The following SYNE1 variants were observed in gnomAD, a reference collection of about 807,000 sequenced individuals.
SYNE1 encodes the protein nesprin-1.
Under a neutral mutation model 1,111.0 loss-of-function variants are expected in SYNE1, and 616 were observed. The observed-to-expected ratio is 0.55, with a 90% CI of 0.52 to 0.59. The LOEUF (loss-of-function observed/expected upper bound fraction) is 0.59, where lower values mean the gene tolerates loss of function less well. Among genes scored for constraint, SYNE1 ranks in the 20% least tolerant of loss-of-function variants. The pLI is 0.00. For synonymous variants in SYNE1, 3,855 were observed against 3,825.8 expected (o/e 1.01, Z -0.28); for missense variants, 10,006 against 10,417.0 (o/e 0.96, Z 1.72).
rs114410980 is a variant in SYNE1, at chr6:152,260,914, T to G, written c.18972+1118A>C. Among the ~76,000 whole-genome samples, 1,135 of 152,160 alleles carry G rather than the reference T, an allele frequency of 7.5e-3. 14 individuals carry two copies. The highest frequency in any genetic ancestry group is 0.025 in the African/African-American group (1,046 of 41,504). Reference sequence around the variant, plus strand: ...CCTGCCTGCCGCTCACCTCTTGCTGTGAGGTCCAGTTCCTAACAGGCCACG... The same window carrying G: ...CCTGCCTGCCGCTCACCTCTTGCTGGGAGGTCCAGTTCCTAACAGGCCACG... On this transcript the variant is annotated intron_variant, in intron 101 of 145. Coordinates refer to ENST00000367255, the MANE Select transcript of SYNE1 (RefSeq NM_182961.4).
chr6:152,132,288 C>T (rs2055954166), intron 143 of SYNE1, 74 bp from the exon 144 acceptor site: 1 of 1,228,658 alleles, frequency 8.1e-7, no homozygotes, highest in Non-Finnish European at 1.2e-6. Context: ...ACCACGTTAT[C>T]TCCCACTCCA....
intron 10 of SYNE1, 49 bp from the exon 11 acceptor site, chr6:152,498,841 CA>C: frequency 9.1e-7 from 1 of 1,098,108 alleles, no homozygotes; most frequent in South Asian, 2.1e-5. Flanking sequence ...AAATCAGGGT[CA>C]AAAATTATTT....
intron 3 of SYNE1, chr6:152,546,081 AAC>A (rs1446453048): frequency 9.2e-5 from 14 of 152,232 alleles, no homozygotes; most frequent in Non-Finnish European, 4.4e-5. Flanking sequence ...TTAATTACCA[AAC>A]ACAGTCAAAT....
At chr6:152,291,695 A>G (rs903319578) in intron 95 of SYNE1, among the ~76,000 whole-genome samples, 4 of 152,106 alleles carry the variant, frequency 2.6e-5, no homozygotes, top group Admixed American at 2.6e-4. Context: ...CTATTGTGGG[A>G]GCCAGTGATG....
chr6:152,362,605 G>C (rs1214359209), intron 63 of SYNE1, among the ~76,000 whole-genome samples: 1 of 152,080 alleles, frequency 6.6e-6, no homozygotes, highest in African/African-American at 2.4e-5. Flanking sequence ...GACACTGGGG[G>C]AGCCTCAAAG....
chr6:152,217,375 G>A (rs866292116), intron 121 of SYNE1, among the ~76,000 whole-genome samples: 383 of 129,566 alleles, frequency 3.0e-3, no homozygotes, highest in African/African-American at 0.011. Flanking sequence ...CAGCCTGGGC[G>A]ACAAAGCAAG....
chr6:152,593,768 T>C (rs1250102262), intron 3 of SYNE1, among the ~76,000 whole-genome samples: 1 of 152,136 alleles, frequency 6.6e-6, no homozygotes, highest in Non-Finnish European at 1.5e-5. Context: ...TTACTATATT[T>C]AGAGTTTGGG....
intron 111 of SYNE1, among the ~76,000 whole-genome samples, chr6:152,234,202 A>C (rs1453992772): frequency 1.3e-5 from 2 of 152,216 alleles, no homozygotes; most frequent in African/African-American, 2.4e-5. Context: ...ATTACTTTGC[A>C]TAATTATGGA....
rs75835345 is a variant in SYNE1 at position 152,518,118 on chromosome 6, G to A, written c.309+2341C>T. ...AAGAACATTTCAAAAATAGTTTTTT[G>A]ACTGGATACTGTAATGCTAAAGACA... On this transcript the variant is annotated intron_variant, in intron 6 of 145. Coordinates refer to ENST00000367255, the MANE Select transcript of SYNE1 (RefSeq NM_182961.4). Among the ~76,000 whole-genome samples the A allele has an allele frequency of 8.4e-3, 1,273 of 151,464 alleles. 25 individuals are homozygous for A. Among genetic ancestry groups the A allele is most frequent in the African/African-American group, 0.029 (1,215 of 41,212 alleles).
intron 128 of SYNE1, among the ~76,000 whole-genome samples, chr6:152,181,118 TCTGTAATC>T (rs1196021287): frequency 1.3e-5 from 1 of 76,460 alleles, no homozygotes; most frequent in African/African-American, 5.1e-5. Context: ...GTGGCTCACG[TCTGTAATC>T]CTAACACTTT....
intron 122 of SYNE1, 73 bp downstream of exon 122, chr6:152,214,833 T>C (rs977465494): frequency 6.4e-7 from 1 of 1,560,240 alleles, no homozygotes; most frequent in Non-Finnish European, 8.8e-7. Flanking sequence ...ATGCATTCTG[T>C]AGTATTTTGA....
In SYNE1 at chr6:152,396,896, T is replaced by C. The variant is rs188146577; in HGVS notation, c.7435A>G (p.Lys2479Glu). 7.2e-5 allele frequency: 116 copies of C among 1,614,234 alleles called. No individual in the cohort carries two copies. In the African/African-American group the frequency reaches 1.0e-3, roughly 14 times the overall value. ...TCTTGAATGCTACTGACAATTTGTTTAGACAAATGTGCATACAAAGTTTGT... is the reference window on the plus strand; with the variant it reads ...TCTTGAATGCTACTGACAATTTGTTCAGACAAATGTGCATACAAAGTTTGT... ...EGQTLYAHLS[K>E]QIVSSIQEQI... The change falls in exon 50 of 146, where the codon AAA becomes GAA. Residue 2479 changes from lysine (K) to glutamate (E), a missense_variant. By Grantham distance (56) the Lys-to-Glu change is moderately conservative (BLOSUM62 1). Transcript: ENST00000367255.
intron 3 of SYNE1, among the ~76,000 whole-genome samples, chr6:152,579,453 G>C (rs2099511972): frequency 6.6e-6 from 1 of 152,212 alleles, no homozygotes; most frequent in Non-Finnish European, 1.5e-5. Flanking sequence ...TGTATTAAGA[G>C]AGCTTTCAGA....
At chr6:152,615,232 T>C (rs2099642571) in intron 3 of SYNE1, among the ~76,000 whole-genome samples, 2 of 152,214 alleles carry the variant, frequency 1.3e-5, no homozygotes, top group Admixed American at 1.3e-4. Context: ...TGCATATCTA[T>C]TCCTGCTAGT....
At chr6:152,221,664 G>T in intron 117 of SYNE1, 105 bp from the exon 118 acceptor site, 1 of 1,417,326 alleles carries the variant, frequency 7.1e-7, no homozygotes, top group Non-Finnish European at 9.9e-7. Context: ...ACATATACTT[G>T]TATAAACCAG....
At position 152,462,633 on chromosome 6, in the gene SYNE1, T is replaced by C. The variant is rs925862746; in HGVS notation, c.2250+105A>G. On this transcript the variant is annotated intron_variant, in intron 20 of 145. Transcript: ENST00000367255. Reference sequence around the variant, plus strand: ...GGGACATACAGACATGTCAAAATGATGCCCAGGAGACACAGAAACAGCTTT... The same window carrying C: ...GGGACATACAGACATGTCAAAATGACGCCCAGGAGACACAGAAACAGCTTT... The C allele has an allele frequency of 4.4e-5, 59 of 1,355,830 alleles. No individual in the cohort carries two copies. The South Asian group carries it at 6.6e-4, about 15-fold the overall frequency. 84.0% of individuals were successfully genotyped at this position (1,355,830 alleles called of 1,614,324 possible).
chr6:152,505,529 GAAA>G, intron 8 of SYNE1, 132 bp from the exon 9 acceptor site: 1 of 1,038,380 alleles, frequency 9.6e-7, no homozygotes, highest in African/African-American at 1.6e-5. Context: ...TTGTATTTGA[GAAA>G]AATTAAGGGA....
chr6:152,286,964 T>A (rs1178821364), intron 95 of SYNE1, among the ~76,000 whole-genome samples: 1 of 152,228 alleles, frequency 6.6e-6, no homozygotes, highest in East Asian at 1.9e-4. Flanking sequence ...ACTCAAAGCG[T>A]GGTCCACAGA....
chr6:152,455,481 G>C lies in SYNE1; in HGVS notation c.2837C>G (p.Ala946Gly). The C allele has an allele frequency of 6.2e-7, 1 of 1,614,120 alleles. No homozygotes were observed. The highest frequency in any genetic ancestry group is 8.5e-7 in the Non-Finnish European group (1 of 1,180,008). Residue 946 changes from alanine (A) to glycine (G), a missense_variant, in exon 24 of 146, where the codon GCT becomes GGT. By Grantham distance (60) the Ala-to-Gly change is moderately conservative (BLOSUM62 0). Transcript: ENST00000367255. ...RAELEKVLRI[A>G]QEGLEEKGDP... is the part of the protein sequence containing the mutation. ...CCCCTTTTCCTCCAGGCCCTCCTGA[G>C]CAATCCGCAGTACCTTCTCCAACTC...
Sources: gnomAD v4.1 joint callset for allele counts (sites outside exome capture counted in the v4.1 genomes callset) on GRCh38, gnomAD v4.1.1 for gene constraint, MANE v1.5 for transcripts, NCBI Gene and HGNC (gene_info 2026-07-23, HGNC 2026-07-21) for gene names.